Variants in ANAPC11 observed in about 807,000 individuals in gnomAD.
ANAPC11 encodes the protein anaphase-promoting complex subunit 11.
Under a neutral mutation model 11.8 loss-of-function variants are expected in ANAPC11, and 5 were observed. The observed-to-expected ratio is 0.42, with a 90% CI of 0.22 to 0.89. The LOEUF (loss-of-function observed/expected upper bound fraction) is 0.89. Ranked by LOEUF, ANAPC11 falls within the 40% of genes least tolerant of loss-of-function variation. The probability of loss-of-function intolerance (pLI) is 0.28; values close to 1 mark genes in which losing one functional copy is unlikely to be tolerated. For missense variants in ANAPC11, 68 were observed against 112.9 expected, an observed-to-expected ratio of 0.60 and a Z score of 1.80; for synonymous variants, 45 against 41.0, an observed-to-expected ratio of 1.10 and a Z score of -0.38.
At chr17:81,894,219 C>G in intron 2 of ANAPC11, 1 of 264,674 alleles carries the variant, frequency 3.8e-6, no homozygotes, top group Non-Finnish European at 7.0e-6. Flanking sequence ...TGCACTACAG[C>G]CTGGGTGACA....
intron 3 of ANAPC11, among the ~76,000 whole-genome samples, chr17:81,895,591 A>C (rs2039713622): frequency 6.6e-6 from 1 of 152,020 alleles, no homozygotes; most frequent in African/African-American, 2.4e-5. Flanking sequence ...CGGGCGGATC[A>C]CAAGGTCAAG....
intron 2 of ANAPC11, among the ~76,000 whole-genome samples, chr17:81,894,081 C>T (rs1179091884): frequency 1.3e-5 from 2 of 151,696 alleles, no homozygotes; most frequent in Non-Finnish European, 2.9e-5. Flanking sequence ...AGTTCAAGAC[C>T]AGCCTGGCCT....
At chr17:81,899,291 G>C (rs753029345) in intron 3 of ANAPC11, 2 of 1,613,088 alleles carry the variant, frequency 1.2e-6, no homozygotes, top group South Asian at 2.2e-5. Flanking sequence ...GGTGCCCGCA[G>C]CCTGTGCCTG....
Position 81,900,211 on chromosome 17 carries a change from A to G in ANAPC11, c.*146A>G. The G allele has an allele frequency of 7.8e-7, 1 of 1,284,906 alleles. No homozygotes were observed. Among genetic ancestry groups the G allele is most frequent in the Non-Finnish European group, 1.1e-6 (1 of 937,588 alleles). The allele number at this position is 1,284,906 out of a possible 1,614,324, so 79.6% of individuals were successfully genotyped here. On this transcript the variant is annotated 3_prime_UTR_variant, in exon 4 of 4. Transcript: ENST00000344877. ...TTTGTTTTGCCATCACTATGTTGACACTTTTATCCAATAAGTGAAAACTCA... is the reference window on the plus strand; with the variant it reads ...TTTGTTTTGCCATCACTATGTTGACGCTTTTATCCAATAAGTGAAAACTCA...
rs756224578 is a variant in ANAPC11, at chr17:81,894,533, A to G, written c.56A>G (p.Asn19Ser). 1.7e-5 allele frequency: 27 copies of G among 1,612,810 alleles called. No individual in the cohort carries two copies. The highest frequency in any genetic ancestry group is 2.2e-5 in the Non-Finnish European group (26 of 1,179,300). The change falls in exon 3 of 4, where the codon AAC becomes AGC. Residue 19 changes from asparagine to serine, a missense_variant. Coordinates refer to ENST00000344877, the MANE Select transcript of ANAPC11 (RefSeq NM_001002248.3). ...NGVATWLWVA[N>S]DENCGICRMA... is the part of the protein sequence containing the mutation. ...GTGGCCACTTGGCTCTGGGTGGCCA[A>G]CGATGAGAACTGTGGCATCTGCAGG...
In ANAPC11 at chr17:81,899,950, T is replaced by G; in HGVS notation, c.140T>G (p.Val47Gly). The change falls in exon 4 of 4, where the codon GTG becomes GGG. Residue 47 changes from valine (V) to glycine (G), a missense_variant. Transcript: ENST00000344877. Reference sequence around the variant, plus strand: ...GTGCCCGGCGACGACTGCCCGCTGGTGTGGGGCCAGTGCTCCCACTGCTTC... The same window carrying G: ...GTGCCCGGCGACGACTGCCCGCTGGGGTGGGGCCAGTGCTCCCACTGCTTC... Reference protein sequence around the residue: ...CKVPGDDCPLVWGQCSHCFHM... With the variant: ...CKVPGDDCPLGWGQCSHCFHM... The G allele has an allele frequency of 6.2e-7, 1 of 1,611,614 alleles. No homozygotes were observed. The highest frequency in any genetic ancestry group is 8.5e-7 in the Non-Finnish European group (1 of 1,178,742).
chr17:81,893,392 T>A (rs2039620440), intron 1 of ANAPC11, among the ~76,000 whole-genome samples, 160 bp from the exon 2 acceptor site: 1 of 151,444 alleles, frequency 6.6e-6, no homozygotes, highest in Admixed American at 6.6e-5. Flanking sequence ...ACGCCTGGCC[T>A]CTAATTTTTG....
At chr17:81,890,829 A>G, upstream of ANAPC11, 1 of 1,614,010 alleles carries the variant, frequency 6.2e-7, no homozygotes, top group Non-Finnish European at 8.5e-7. Context: ...GGCTGAAAAA[A>G]AAACCGCAAC....
chr17:81,894,570 C>T lies in ANAPC11; in HGVS notation c.93C>T (p.Asn31=), dbSNP rs779456429. 10 of 1,610,382 alleles carry T rather than the reference C, an allele frequency of 6.2e-6. No individual in the cohort carries two copies. The highest frequency in any genetic ancestry group is 1.6e-4 in the Middle Eastern group (1 of 6,072). ...ENCGICRMAF[N]GCCPDCKVPG... is the part of the protein sequence containing the mutation. ...GTGGCATCTGCAGGATGGCATTTAA[C>T]GGATGCTGCCCTGACTGTGAGTGTC... Residue 31 remains asparagine, a synonymous_variant, in exon 3 of 4, where the codon AAC becomes AAT. Coordinates refer to ENST00000344877, the MANE Select transcript of ANAPC11 (RefSeq NM_001002248.3).
At position 81,894,171 on chromosome 17, in the gene ANAPC11, G is replaced by C. The variant is rs112084595; in HGVS notation, c.-11-296G>C. 9.8e-3 allele frequency: 1,953 copies of C among 198,412 alleles called. 45 individuals carry two copies. Among genetic ancestry groups the C allele is most frequent in the African/African-American group, 0.042 (1,818 of 43,182 alleles). 12.3% of individuals were successfully genotyped at this position (198,412 alleles called of 1,614,324 possible). ...CGTGCCTATAGCCTCAGCTACTCAGGAGGCCGAAGCACAAGAAATGAGCTG... is the reference window on the plus strand; with the variant it reads ...CGTGCCTATAGCCTCAGCTACTCAGCAGGCCGAAGCACAAGAAATGAGCTG... On this transcript the variant is annotated intron_variant, in intron 2 of 3. Transcript: ENST00000344877.
In ANAPC11 at chr17:81,891,840, C is replaced by A. The variant is rs1567864946; in HGVS notation, c.-76C>A. On this transcript the variant is annotated splice_region_variant and 5_prime_UTR_variant, in exon 1 of 4. Coordinates refer to ENST00000344877, the MANE Select transcript of ANAPC11 (RefSeq NM_001002248.3). ...GCTGCCAACGGAAGGGCGGGTAGGG[C>A]GGTGCGTGATTAGGTTGGCGAAGGT... The A allele has an allele frequency of 4.7e-6, 1 of 212,254 alleles. No individual in the cohort carries two copies. The highest frequency in any genetic ancestry group is 9.5e-6 in the Non-Finnish European group (1 of 105,412). 13.1% of individuals were successfully genotyped at this position (212,254 alleles called of 1,614,324 possible).
At chr17:81,899,846 C>T in intron 3 of ANAPC11, 74 bp from the exon 4 acceptor site, 1 of 1,479,174 alleles carries the variant, frequency 6.8e-7, no homozygotes, top group Non-Finnish European at 9.2e-7. Flanking sequence ...CCTACCTGCA[C>T]CCCTGCCTGG....
chr17:81,894,378 A>G (rs954927247), intron 2 of ANAPC11, 89 bp from the exon 3 acceptor site: 1 of 682,390 alleles, frequency 1.5e-6, no homozygotes, highest in Non-Finnish European at 2.5e-6. Context: ...CTGGGACTGC[A>G]CTGTGGCAGG....
chr17:81,894,321 C>T (rs1239446470), intron 2 of ANAPC11, 146 bp from the exon 3 acceptor site: 12 of 413,788 alleles, frequency 2.9e-5, no homozygotes, highest in South Asian at 8.5e-5. Context: ...AGGCTGGGTT[C>T]GGACTCCTGG....
chr17:81,895,612 C>A (rs1396653403), intron 3 of ANAPC11, among the ~76,000 whole-genome samples: 2 of 151,908 alleles, frequency 1.3e-5, no homozygotes. Context: ...AGATGGAGGC[C>A]GGCACGGTGG....
At chr17:81,895,567 G>T (rs1027754340) in intron 3 of ANAPC11, among the ~76,000 whole-genome samples, 1 of 152,334 alleles carries the variant, frequency 6.6e-6, no homozygotes, top group Non-Finnish European at 1.5e-5. Flanking sequence ...TTCCAGCACT[G>T]TGGGAGGCCG....
chr17:81,898,521 T>G (rs1485400690), intron 3 of ANAPC11: 1 of 152,272 alleles, frequency 6.6e-6, no homozygotes, highest in African/African-American at 2.4e-5. Flanking sequence ...TGCTGATGGT[T>G]AAGTCATAGT....
At chr17:81,890,849 T>C (rs1330975009), upstream of ANAPC11, 1 of 1,613,874 alleles carries the variant, frequency 6.2e-7, no homozygotes, top group East Asian at 2.2e-5. Flanking sequence ...CAAGAGCAGA[T>C]CTGTGAGTCT....
chr17:81,899,703 T>C, intron 3 of ANAPC11: 3 of 988,602 alleles, frequency 3.0e-6, no homozygotes, highest in Non-Finnish European at 2.9e-6. Flanking sequence ...GGAGGCCGCA[T>C]GTCCGGTGTC....
Sources: gnomAD v4.1 joint callset for allele counts (sites outside exome capture counted in the v4.1 genomes callset) on GRCh38, gnomAD v4.1.1 for gene constraint, MANE v1.5 for transcripts, NCBI Gene and HGNC (gene_info 2026-07-23, HGNC 2026-07-21) for gene names.